Variants in CNTNAP2 observed in about 807,000 individuals in gnomAD.
CNTNAP2 encodes the protein contactin-associated protein-like 2.
A neutral mutation model predicts 155.2 loss-of-function variants in CNTNAP2; 98 were observed. The observed-to-expected ratio is 0.63, with a 90% CI of 0.54 to 0.75. CNTNAP2 has a LOEUF of 0.75. Among genes scored for constraint, CNTNAP2 ranks in the 30% least tolerant of loss-of-function variants. CNTNAP2 has a pLI of 0.00. For synonymous variants in CNTNAP2, 651 were observed against 631.2 expected, an observed-to-expected ratio of 1.03 and a Z score of -0.47; for missense variants, 1,727 against 1,688.1, an observed-to-expected ratio of 1.02 and a Z score of -0.40.
chr7:147,227,283 T>G (rs1312090013), intron 8 of CNTNAP2, among the ~76,000 whole-genome samples: 1 of 151,970 alleles, frequency 6.6e-6, no homozygotes, highest in Admixed American at 6.6e-5. Context: ...TGAATAGGGC[T>G]GGTGTGGAGG....
intron 1 of CNTNAP2, among the ~76,000 whole-genome samples, chr7:146,375,191 C>G (rs1036033282): frequency 3.9e-5 from 6 of 152,152 alleles, no homozygotes; most frequent in African/African-American, 1.2e-4. Flanking sequence ...TCTCTGTTAC[C>G]AGACTATCTC....
At chr7:146,673,797 G>T (rs1161719365) in intron 1 of CNTNAP2, among the ~76,000 whole-genome samples, 2 of 152,002 alleles carry the variant, frequency 1.3e-5, no homozygotes, top group Non-Finnish European at 2.9e-5. Flanking sequence ...TGCCCAGGCT[G>T]GTCTCAAAGT....
chr7:147,719,198 A>T (rs193247286), intron 13 of CNTNAP2, among the ~76,000 whole-genome samples: 1 of 152,120 alleles, frequency 6.6e-6, no homozygotes, highest in African/African-American at 2.4e-5. Context: ...TTTGTTGCAG[A>T]AGCTGGGTAC....
At chr7:146,567,839 G>T (rs1798382105) in intron 1 of CNTNAP2, among the ~76,000 whole-genome samples, 1 of 152,140 alleles carries the variant, frequency 6.6e-6, no homozygotes, top group Non-Finnish European at 1.5e-5. Context: ...TCCTGCCTCA[G>T]CCTCCTGAGT....
At chr7:146,381,194 T>A (rs1185399479) in intron 1 of CNTNAP2, among the ~76,000 whole-genome samples, 3 of 152,128 alleles carry the variant, frequency 2.0e-5, no homozygotes, top group Non-Finnish European at 4.4e-5. Context: ...AAGCAGAGAC[T>A]CAATGCACTT....
chr7:147,076,999 C>A (rs554078683), intron 4 of CNTNAP2, among the ~76,000 whole-genome samples: 8 of 152,222 alleles, frequency 5.3e-5, no homozygotes, highest in Non-Finnish European at 1.0e-4. Flanking sequence ...CTTTAAAACA[C>A]AACTGCTTCG....
At chr7:146,893,022 G>C (rs922619426) in intron 3 of CNTNAP2, among the ~76,000 whole-genome samples, 5 of 152,088 alleles carry the variant, frequency 3.3e-5, no homozygotes, top group Non-Finnish European at 5.9e-5. Context: ...TAATTGGTAG[G>C]AAAAAATATA....
intron 10 of CNTNAP2, among the ~76,000 whole-genome samples, chr7:147,441,937 A>G (rs990132000): frequency 9.1e-5 from 13 of 142,830 alleles, no homozygotes; most frequent in Non-Finnish European, 1.5e-4. Flanking sequence ...AAGCACCCCT[A>G]TGGCAACCAC....
intron 14 of CNTNAP2, among the ~76,000 whole-genome samples, chr7:147,953,887 A>G (rs1448325744): frequency 6.6e-6 from 1 of 152,138 alleles, no homozygotes; most frequent in African/African-American, 2.4e-5. Flanking sequence ...GACACTAGCC[A>G]TTGGATTAGG....
At chr7:148,395,703 G>A (rs1799451917) in intron 22 of CNTNAP2, among the ~76,000 whole-genome samples, 2 of 152,140 alleles carry the variant, frequency 1.3e-5, no homozygotes, top group Admixed American at 1.3e-4. Flanking sequence ...GCCATCCTCT[G>A]TGTAGACGGG....
At chr7:146,678,001 T>C (rs923340332) in intron 1 of CNTNAP2, among the ~76,000 whole-genome samples, 5 of 152,092 alleles carry the variant, frequency 3.3e-5, no homozygotes, top group Admixed American at 2.0e-4. Context: ...TTTCTCAACA[T>C]TTAGATATTT....
chr7:147,577,657 T>C (rs539344820), intron 12 of CNTNAP2, among the ~76,000 whole-genome samples: 1 of 151,954 alleles, frequency 6.6e-6, no homozygotes, highest in South Asian at 2.1e-4. Flanking sequence ...TGCTTCAATA[T>C]CTGTTTCATA....
chr7:147,251,164 A>T (rs1804188832), intron 8 of CNTNAP2, among the ~76,000 whole-genome samples: 1 of 152,112 alleles, frequency 6.6e-6, no homozygotes, highest in African/African-American at 2.4e-5. Flanking sequence ...CTGTGGCCAT[A>T]AAAAAGAGCA....
At chr7:148,036,256 A>C (rs1406704118) in intron 15 of CNTNAP2, among the ~76,000 whole-genome samples, 1 of 152,184 alleles carries the variant, frequency 6.6e-6, no homozygotes, top group African/African-American at 2.4e-5. Flanking sequence ...TGTGAGAAAG[A>C]CATGAATTTG....
intron 14 of CNTNAP2, among the ~76,000 whole-genome samples, chr7:147,949,369 A>T (rs1442490051): frequency 1.3e-5 from 2 of 151,256 alleles, no homozygotes; most frequent in East Asian, 3.9e-4. Flanking sequence ...GGGGTGAAAG[A>T]GGCAGAAGAA....
intron 8 of CNTNAP2, among the ~76,000 whole-genome samples, chr7:147,258,774 C>A (rs1804388552): frequency 6.6e-6 from 1 of 152,162 alleles, no homozygotes; most frequent in Admixed American, 6.5e-5. Flanking sequence ...CAGTTGTGAA[C>A]ATGAATTCCA....
At chr7:148,215,632 G>C (rs2116754173) in intron 18 of CNTNAP2, among the ~76,000 whole-genome samples, 1 of 151,832 alleles carries the variant, frequency 6.6e-6, no homozygotes, top group African/African-American at 2.4e-5. Flanking sequence ...ACGGTAACCT[G>C]TCTTTGTAAT....
At chr7:147,283,460 A>T (rs1307705730) in intron 8 of CNTNAP2, among the ~76,000 whole-genome samples, 1 of 151,882 alleles carries the variant, frequency 6.6e-6, no homozygotes, top group East Asian at 1.9e-4. Flanking sequence ...AACTTTAAGC[A>T]ATACGCAGCA....
At chr7:146,403,497 C>T (rs528469598) in intron 1 of CNTNAP2, among the ~76,000 whole-genome samples, 50 of 152,122 alleles carry the variant, frequency 3.3e-4, no homozygotes, top group African/African-American at 9.9e-4. Flanking sequence ...AATGTGAATT[C>T]GCCATTTTTA....
Sources: gnomAD v4.1 joint callset for allele counts (sites outside exome capture counted in the v4.1 genomes callset) on GRCh38, gnomAD v4.1.1 for gene constraint, MANE v1.5 for transcripts, NCBI Gene and HGNC (gene_info 2026-07-23, HGNC 2026-07-21) for gene names.